Variants in CCDC171 observed in about 807,000 individuals in gnomAD.
The protein encoded by CCDC171 is coiled-coil domain-containing protein 171.
Under a neutral mutation model 168.2 loss-of-function variants are expected in CCDC171, and 177 were observed. The observed-to-expected ratio is 1.05, with a 90% CI of 0.93 to 1.19. The LOEUF (loss-of-function observed/expected upper bound fraction) is 1.19, where lower values mean the gene tolerates loss of function less well. CCDC171 is among the 50% of genes most tolerant of loss of function. The pLI, the probability that CCDC171 is intolerant of heterozygous loss-of-function variation, is 0.00. For synonymous variants in CCDC171, 687 were observed against 540.8 expected (o/e 1.27, Z -3.75); for missense variants, 1,991 against 1,539.0 (o/e 1.29, Z -4.91).
intron 16 of CCDC171, among the ~76,000 whole-genome samples, chr9:15,739,339 T>G (rs1037040216): frequency 2.0e-5 from 3 of 152,218 alleles, no homozygotes; most frequent in Admixed American, 1.3e-4. Context: ...GATCAACTTC[T>G]TGTTCATCAG....
At chr9:16,099,111 G>T in the CCDC171 span, among the ~76,000 whole-genome samples, 13 of 152,316 alleles carry the variant, frequency 8.5e-5, no homozygotes, top group East Asian at 2.5e-3. Context: ...ACTGTCATGT[G>T]TAAGACCCTG....
At chr9:15,621,752 C>T (rs866384519) in intron 6 of CCDC171, among the ~76,000 whole-genome samples, 2 of 152,114 alleles carry the variant, frequency 1.3e-5, no homozygotes, top group African/African-American at 4.8e-5. Flanking sequence ...ACAGAACTAC[C>T]TTTTGATCCA....
intron 11 of CCDC171, among the ~76,000 whole-genome samples, chr9:15,720,483 A>G (rs188831997): frequency 9.8e-5 from 15 of 152,332 alleles, no homozygotes; most frequent in Non-Finnish European, 1.5e-4. Flanking sequence ...GAATGAATGA[A>G]TAGTAGGACG....
intron 23 of CCDC171, among the ~76,000 whole-genome samples, chr9:15,870,419 A>C (rs1350880806): frequency 6.6e-6 from 1 of 151,858 alleles, no homozygotes; most frequent in Admixed American, 6.6e-5. Context: ...TATCTGGTAA[A>C]AAGGTTTATT....
chr9:15,561,786 T>A (rs1174200561), intron 1 of CCDC171, among the ~76,000 whole-genome samples: 1 of 151,858 alleles, frequency 6.6e-6, no homozygotes, highest in Non-Finnish European at 1.5e-5. Flanking sequence ...TTGTTCTCTG[T>A]GTCATCAGGG....
intron 9 of CCDC171, among the ~76,000 whole-genome samples, chr9:15,675,002 T>C (rs2049417721): frequency 6.6e-6 from 1 of 152,242 alleles, no homozygotes; most frequent in East Asian, 1.9e-4. Context: ...TCTAAGTCTC[T>C]TTGTAGGTCT....
intron 21 of CCDC171, among the ~76,000 whole-genome samples, chr9:15,839,561 A>G (rs1432888685): frequency 6.6e-6 from 1 of 152,190 alleles, no homozygotes; most frequent in Non-Finnish European, 1.5e-5. Flanking sequence ...ACTGGATTAT[A>G]AAGAATCAAA....
chr9:15,606,468 T>C (rs746927416), intron 6 of CCDC171, among the ~76,000 whole-genome samples: 2 of 152,226 alleles, frequency 1.3e-5, no homozygotes, highest in African/African-American at 4.8e-5. Context: ...TTTGTAATTG[T>C]AGAACTTTGC....
chr9:15,860,959 T>TGTGTGTGTGTGA (rs1278436134), intron 23 of CCDC171, among the ~76,000 whole-genome samples: 7 of 151,644 alleles, frequency 4.6e-5, no homozygotes, highest in African/African-American at 1.5e-4. Context: ...TGTGTGTGTG[T>TGTGTGTGTGTGA]GTGATAATTG....
At chr9:15,803,781 A>AT (rs1477152937) in intron 21 of CCDC171, among the ~76,000 whole-genome samples, 5 of 151,598 alleles carry the variant, frequency 3.3e-5, no homozygotes, top group Non-Finnish European at 1.5e-5. Flanking sequence ...ATTTTAAAAT[A>AT]TTTTTTTCTT....
upstream of CCDC171, among the ~76,000 whole-genome samples, chr9:16,039,084 A>G (rs780758829): frequency 3.3e-5 from 5 of 152,194 alleles, no homozygotes; most frequent in African/African-American, 2.4e-5. Flanking sequence ...CTGACTTTAA[A>G]AATTAGTGAG....
rs35013909 is a variant in CCDC171 at position 15,744,292 on chromosome 9, A to G, written c.2069A>G (p.Glu690Gly). ...CCATAGAAATTTCAAGAAATTGCTG[A>G]AAAAAACATGGAAAAATTGAACCAT... ...KRAQKFQEIAEKNMEKLNHIE... is the reference protein window; with the variant it reads ...KRAQKFQEIAGKNMEKLNHIE... The change falls in exon 17 of 26, where the codon GAA becomes GGA. Residue 690 changes from glutamate (E) to glycine (G), a missense_variant. Transcript: ENST00000380701. 1.5e-4 allele frequency: 241 copies of G among 1,583,176 alleles called. 1 individual carries two copies. In the African/African-American group the frequency reaches 2.6e-3, roughly 17 times the overall value.
the CCDC171 span, among the ~76,000 whole-genome samples, chr9:16,098,217 G>A: frequency 6.6e-6 from 1 of 152,096 alleles, no homozygotes; most frequent in African/African-American, 2.4e-5. Flanking sequence ...ATAAAATGGG[G>A]CTAATATTAT....
chr9:15,749,813 A>G (rs1473887819), intron 18 of CCDC171, among the ~76,000 whole-genome samples: 1 of 152,234 alleles, frequency 6.6e-6, no homozygotes, highest in African/African-American at 2.4e-5. Flanking sequence ...TCTGGGACAC[A>G]TTTAAAGCAG....
chr9:15,839,272 A>G (rs2060574908), intron 21 of CCDC171, among the ~76,000 whole-genome samples: 1 of 152,186 alleles, frequency 6.6e-6, no homozygotes, highest in Non-Finnish European at 1.5e-5. Flanking sequence ...CCATTTAAAT[A>G]TATTAAAGTA....
At chr9:15,953,954 G>T (rs1229492610) in intron 25 of CCDC171, among the ~76,000 whole-genome samples, 1 of 151,894 alleles carries the variant, frequency 6.6e-6, no homozygotes, top group African/African-American at 2.4e-5. Flanking sequence ...CATTCAATTT[G>T]TCGGTACAAT....
At chr9:15,767,901 T>A (rs10962146) in intron 18 of CCDC171, among the ~76,000 whole-genome samples, 56,800 of 125,962 alleles carry the variant, frequency 0.45, 13,002 homozygotes, top group Non-Finnish European at 0.49. Flanking sequence ...ATTAAAAAAA[T>A]TTTTTTAATT....
At chr9:15,635,889 T>A (rs914089460) in intron 7 of CCDC171, among the ~76,000 whole-genome samples, 1 of 152,158 alleles carries the variant, frequency 6.6e-6, no homozygotes. Context: ...AGTGGCAGCA[T>A]TTTACATTCC....
intron 6 of CCDC171, among the ~76,000 whole-genome samples, chr9:15,614,851 C>A (rs1340374932): frequency 6.6e-6 from 1 of 152,144 alleles, no homozygotes; most frequent in Non-Finnish European, 1.5e-5. Flanking sequence ...AATCCTTCCC[C>A]CTTCCCCATC....
Sources: allele counts gnomAD v4.1 joint callset (sites outside exome capture counted in the v4.1 genomes callset), GRCh38; gene constraint gnomAD v4.1.1; transcripts MANE v1.5; gene names NCBI Gene and HGNC (gene_info 2026-07-23, HGNC 2026-07-21).